Variants in TSPAN5 observed in about 807,000 individuals in gnomAD.
TSPAN5 encodes the protein tetraspanin-5.
Under a neutral mutation model 37.1 loss-of-function variants are expected in TSPAN5, and 10 were observed. The observed-to-expected ratio is 0.27, with a 90% CI of 0.17 to 0.46. The LOEUF is 0.46. Ranked by LOEUF, TSPAN5 falls within the 20% of genes least tolerant of loss-of-function variation. TSPAN5 has a pLI of 1.00. For missense variants in TSPAN5, 195 were observed against 326.6 expected, an observed-to-expected ratio of 0.60 and a Z score of 3.11; for synonymous variants, 110 against 118.9, an observed-to-expected ratio of 0.93 and a Z score of 0.48.
At chr4:98,621,024 T>C (rs1330678770) in intron 1 of TSPAN5, among the ~76,000 whole-genome samples, 2 of 152,126 alleles carry the variant, frequency 1.3e-5, no homozygotes, top group African/African-American at 4.8e-5. Context: ...AATTAAGAGG[T>C]CGTTCAGGGT....
intron 1 of TSPAN5, among the ~76,000 whole-genome samples, chr4:98,585,643 T>C (rs558902280): frequency 2.6e-5 from 4 of 152,326 alleles, no homozygotes; most frequent in Admixed American, 2.6e-4. Flanking sequence ...TGTGTATCCA[T>C]TGTTTAGCTT....
intron 1 of TSPAN5, among the ~76,000 whole-genome samples, chr4:98,577,938 T>A (rs574485222): frequency 6.6e-6 from 1 of 152,352 alleles, no homozygotes; most frequent in East Asian, 1.9e-4. Context: ...TTTAGAGATC[T>A]GTCTACCAAT....
At chr4:98,630,972 GA>G (rs1756732812) in intron 1 of TSPAN5, among the ~76,000 whole-genome samples, 1 of 152,110 alleles carries the variant, frequency 6.6e-6, no homozygotes, top group Non-Finnish European at 1.5e-5. Flanking sequence ...CTGCCATCTG[GA>G]AGGCTCAGCA....
At chr4:98,484,643 T>C in intron 3 of TSPAN5, 1 of 445,258 alleles carries the variant, frequency 2.2e-6, no homozygotes, top group Non-Finnish European at 4.5e-6. Context: ...CCACTATAAA[T>C]GAAACTATAT....
intron 6 of TSPAN5, 45 bp from the exon 7 acceptor site, chr4:98,476,350 A>C (rs1468755500): frequency 3.7e-6 from 6 of 1,612,640 alleles, no homozygotes. Context: ...ATAGAGCACC[A>C]GGCACAGGCC....
At chr4:98,582,263 T>C (rs973847199) in intron 1 of TSPAN5, among the ~76,000 whole-genome samples, 2 of 152,238 alleles carry the variant, frequency 1.3e-5, no homozygotes, top group Admixed American at 1.3e-4. Context: ...TTGCTGGCTC[T>C]GGGTCACTTC....
intron 2 of TSPAN5, among the ~76,000 whole-genome samples, chr4:98,492,698 G>A (rs1171790697): frequency 6.6e-6 from 1 of 152,186 alleles, no homozygotes; most frequent in Non-Finnish European, 1.5e-5. Context: ...AGTCAACGTA[G>A]TAATTAAGCC....
intron 2 of TSPAN5, among the ~76,000 whole-genome samples, chr4:98,507,323 A>C (rs1197423068): frequency 1.3e-5 from 2 of 152,218 alleles, no homozygotes; most frequent in Non-Finnish European, 2.9e-5. Context: ...CAGAAGAGAA[A>C]AAAAGGCTAC....
intron 1 of TSPAN5, among the ~76,000 whole-genome samples, chr4:98,574,118 G>A (rs1755183024): frequency 1.3e-5 from 2 of 152,188 alleles, no homozygotes; most frequent in Admixed American, 1.3e-4. Context: ...ATTGAATGGT[G>A]CAGAGAAGGG....
chr4:98,529,499 GT>G (rs33969804), intron 1 of TSPAN5, among the ~76,000 whole-genome samples: 85,119 of 151,956 alleles, frequency 0.56, 24,534 homozygotes, highest in African/African-American at 0.69. Flanking sequence ...ACGAACTTGT[GT>G]CATTTCAATA....
intron 1 of TSPAN5, among the ~76,000 whole-genome samples, chr4:98,512,981 G>A (rs750862591): frequency 1.1e-4 from 17 of 152,274 alleles, no homozygotes; most frequent in Non-Finnish European, 1.3e-4. Flanking sequence ...ACTATAACAG[G>A]GGGATTTGAC....
At chr4:98,565,425 C>A (rs1311584088) in intron 1 of TSPAN5, among the ~76,000 whole-genome samples, 1 of 106,020 alleles carries the variant, frequency 9.4e-6, no homozygotes, top group African/African-American at 3.5e-5. Context: ...ATTTTCATCC[C>A]ATTTTGGGGG....
At chr4:98,562,551 C>T (rs1034645075) in intron 1 of TSPAN5, among the ~76,000 whole-genome samples, 11 of 152,114 alleles carry the variant, frequency 7.2e-5, no homozygotes, top group Non-Finnish European at 1.3e-4. Flanking sequence ...GTCCCAGCTA[C>T]TCAGGAGGCT....
At chr4:98,558,337 A>C (rs1303003250) in intron 1 of TSPAN5, among the ~76,000 whole-genome samples, 1 of 152,192 alleles carries the variant, frequency 6.6e-6, no homozygotes, top group Admixed American at 6.5e-5. Context: ...TATCTTTGCA[A>C]CTTTCCTGTA....
rs146884656 is a variant in TSPAN5, at chr4:98,639,987, A to T, written c.81+18159T>A. ...GACAAATGCTCACATTCTGAAAGGC[A>T]CTAACTTAGGGAAGGGAGGGAGCTT... On this transcript the variant is annotated intron_variant, in intron 1 of 7. Coordinates refer to ENST00000305798, the MANE Select transcript of TSPAN5 (RefSeq NM_005723.4). Among the ~76,000 whole-genome samples the T allele has an allele frequency of 4.1e-4, 63 of 152,312 alleles. 1 individual carries two copies. In the East Asian group the frequency reaches 0.012, roughly 29 times the overall value.
intron 3 of TSPAN5, among the ~76,000 whole-genome samples, chr4:98,485,762 C>CTTTTT (rs766494512): frequency 4.6e-5 from 4 of 86,594 alleles, no homozygotes; most frequent in South Asian, 3.7e-4. Context: ...CTTGGATATG[C>CTTTTT]TTTTTTTTTT....
intron 1 of TSPAN5, among the ~76,000 whole-genome samples, chr4:98,637,324 A>T (rs1272450961): frequency 6.6e-6 from 1 of 152,092 alleles, no homozygotes; most frequent in Non-Finnish European, 1.5e-5. Context: ...CAGGGATAAG[A>T]GGTCACTCTC....
At position 98,566,748 on chromosome 4, in the gene TSPAN5, A is replaced by T. The variant is rs374997918; in HGVS notation, c.82-59020T>A. 3.3e-5 allele frequency among the ~76,000 whole-genome samples: 5 copies of T among 152,340 alleles called. No individual in the cohort carries two copies. In the East Asian group the frequency reaches 9.6e-4, roughly 29 times the overall value. ...CTGAGCTTTACTCTGAGACAGCAGG[A>T]TGCTGTCACCACCAGCATAGCAGGG... On this transcript the variant is annotated intron_variant, in intron 1 of 7. Coordinates refer to ENST00000305798, the MANE Select transcript of TSPAN5 (RefSeq NM_005723.4).
At chr4:98,544,837 A>G (rs1350269977) in intron 1 of TSPAN5, among the ~76,000 whole-genome samples, 1 of 152,198 alleles carries the variant, frequency 6.6e-6, no homozygotes, top group East Asian at 1.9e-4. Context: ...AGAAGTATCT[A>G]GGTGTTAACA....
Sources: allele counts gnomAD v4.1 joint callset (sites outside exome capture counted in the v4.1 genomes callset), GRCh38; gene constraint gnomAD v4.1.1; transcripts MANE v1.5; gene names NCBI Gene and HGNC (gene_info 2026-07-23, HGNC 2026-07-21).